ADAMTS20: variants seen among roughly 807,000 people sequenced by gnomAD.
The protein encoded by ADAMTS20 is A disintegrin and metalloproteinase with thrombospondin motifs 20.
In ADAMTS20, 225 loss-of-function variants were observed where a neutral mutation model predicts 260.1. The ratio of observed to expected loss-of-function variants is 0.87; its 90% CI spans 0.78 to 0.97. The LOEUF is 0.97. ADAMTS20 is among the 50% of genes least tolerant of loss of function. The pLI, the probability that ADAMTS20 is intolerant of heterozygous loss-of-function variation, is 0.00. For missense variants in ADAMTS20, 2,400 were observed against 2,337.7 expected, an observed-to-expected ratio of 1.03 and a Z score of -0.55; for synonymous variants, 802 against 769.5, an observed-to-expected ratio of 1.04 and a Z score of -0.70.
At chr12:43,409,108 G>C (rs563447728) in intron 28 of ADAMTS20, among the ~76,000 whole-genome samples, 1 of 152,058 alleles carries the variant, frequency 6.6e-6, no homozygotes, top group African/African-American at 2.4e-5. Context: ...TAAAAATACT[G>C]TAGTTATGAG....
At chr12:43,526,036 T>C (rs550240899) in intron 3 of ADAMTS20, among the ~76,000 whole-genome samples, 1 of 152,342 alleles carries the variant, frequency 6.6e-6, no homozygotes, top group East Asian at 1.9e-4. Flanking sequence ...GAACGTAAGA[T>C]ATATGTACAG....
At chr12:43,467,271 C>G (rs999520012) in intron 8 of ADAMTS20, among the ~76,000 whole-genome samples, 1 of 152,004 alleles carries the variant, frequency 6.6e-6, no homozygotes, top group African/African-American at 2.4e-5. Flanking sequence ...ACCCTAAATA[C>G]TATTTTAGGT....
intron 28 of ADAMTS20, among the ~76,000 whole-genome samples, chr12:43,405,832 C>T (rs1384190757): frequency 6.6e-6 from 1 of 152,184 alleles, no homozygotes; most frequent in African/African-American, 2.4e-5. Context: ...TGTCACTTCT[C>T]TTTGTCTGCT....
chr12:43,446,529 C>A lies in ADAMTS20; in HGVS notation c.2197+66G>T, dbSNP rs545098989. 8.4e-5 allele frequency: 101 copies of A among 1,204,622 alleles called. No individual in the cohort carries two copies. In the African/African-American group the frequency reaches 1.4e-3, roughly 17 times the overall value. The allele number at this position is 1,204,622 out of a possible 1,614,324, so 74.6% of individuals were successfully genotyped here. Reference sequence around the variant, plus strand: ...ACAGTAACAAAGAATTACTGTTACACCTTCTTTACAGACTCCATTATTATA... The same window carrying A: ...ACAGTAACAAAGAATTACTGTTACAACTTCTTTACAGACTCCATTATTATA... On this transcript the variant is annotated intron_variant, in intron 15 of 38. Coordinates refer to ENST00000389420, the MANE Select transcript of ADAMTS20 (RefSeq NM_025003.5).
rs565545452 is a variant in ADAMTS20 at position 43,539,832 on chromosome 12, A to C, written c.454-7637T>G. Among the ~76,000 whole-genome samples, 91 of 152,318 alleles carry C rather than the reference A, an allele frequency of 6.0e-4. 3 individuals carry two copies. The highest frequency in any genetic ancestry group is 2.0e-3 in the African/African-American group (85 of 41,574). On this transcript the variant is annotated intron_variant, in intron 2 of 38. Coordinates refer to ENST00000389420, the MANE Select transcript of ADAMTS20 (RefSeq NM_025003.5). ...CTAACTGTACCTACAAAGCTACTTT[A>C]AATAGCATCACACTATCTTCAAGCA...
At chr12:43,536,098 T>G (rs544262180) in intron 2 of ADAMTS20, among the ~76,000 whole-genome samples, 41 of 152,110 alleles carry the variant, frequency 2.7e-4, no homozygotes, top group African/African-American at 9.9e-4. Context: ...CCTATACATA[T>G]TTTATATAAA....
rs913708337 is a variant in ADAMTS20 at position 43,464,504 on chromosome 12, T to C, written c.1509+87A>G. 6.8e-6 allele frequency: 10 copies of C among 1,471,978 alleles called. No homozygotes were observed. The East Asian group carries it at 2.0e-4, about 30-fold the overall frequency. The allele number at this position is 1,471,978 out of a possible 1,614,324, so 91.2% of individuals were successfully genotyped here. Reference sequence around the variant, plus strand: ...TATCAGACTTAAAAGCTATATTTAGTTCAAGAGAATAAACACATTTTGAAA... The same window carrying C: ...TATCAGACTTAAAAGCTATATTTAGCTCAAGAGAATAAACACATTTTGAAA... On this transcript the variant is annotated intron_variant, in intron 10 of 38. Coordinates refer to ENST00000389420, the MANE Select transcript of ADAMTS20 (RefSeq NM_025003.5).
intron 28 of ADAMTS20, among the ~76,000 whole-genome samples, chr12:43,402,347 G>A (rs2137256558): frequency 6.6e-6 from 1 of 151,850 alleles, no homozygotes; most frequent in Non-Finnish European, 1.5e-5. Context: ...AGGAATGTTA[G>A]AAAAAAATAC....
intron 16 of ADAMTS20, among the ~76,000 whole-genome samples, chr12:43,441,288 A>G (rs1162852812): frequency 6.6e-6 from 1 of 151,734 alleles, no homozygotes; most frequent in Non-Finnish European, 1.5e-5. Flanking sequence ...ATTAATATAT[A>G]CCTATAGAAT....
At chr12:43,389,123 C>T (rs967426004) in intron 29 of ADAMTS20, among the ~76,000 whole-genome samples, 4 of 152,312 alleles carry the variant, frequency 2.6e-5, no homozygotes, top group Middle Eastern at 3.4e-3. Flanking sequence ...TTCATTCCAT[C>T]TCAATAATAC....
chr12:43,411,198 C>T (rs1941024649), intron 28 of ADAMTS20, among the ~76,000 whole-genome samples: 1 of 152,146 alleles, frequency 6.6e-6, no homozygotes, highest in African/African-American at 2.4e-5. Context: ...GAAAGGGATT[C>T]TGCTATCCTT....
chr12:43,464,938 T>C (rs894440554), intron 9 of ADAMTS20, among the ~76,000 whole-genome samples: 1 of 152,106 alleles, frequency 6.6e-6, no homozygotes, highest in Non-Finnish European at 1.5e-5. Context: ...ATCTTTAATA[T>C]GCATGTTTGC....
At chr12:43,541,130 T>C (rs987874254) in intron 2 of ADAMTS20, among the ~76,000 whole-genome samples, 1 of 152,202 alleles carries the variant, frequency 6.6e-6, no homozygotes, top group African/African-American at 2.4e-5. Context: ...GTTATCACAT[T>C]AAACACTGTC....
intron 2 of ADAMTS20, among the ~76,000 whole-genome samples, chr12:43,542,295 C>A (rs558599663): frequency 6.6e-6 from 1 of 152,086 alleles, no homozygotes; most frequent in South Asian, 2.1e-4. Context: ...TTTTGTAGGT[C>A]TATAATGGAA....
At position 43,429,778 on chromosome 12, in the gene ADAMTS20, C is replaced by T. The variant is rs1941405320; in HGVS notation, c.3382-54G>A. On this transcript the variant is annotated intron_variant, in intron 23 of 38. Coordinates refer to ENST00000389420, the MANE Select transcript of ADAMTS20 (RefSeq NM_025003.5). ...AACATTAATTAATGACTGATTTATA[C>T]AAAATCTAATACTTCACTTCTTCTG... is the stretch of plus-strand genomic sequence containing the variant. 1.2e-5 allele frequency: 14 copies of T among 1,165,914 alleles called. No individual in the cohort carries two copies. The South Asian group carries it at 2.1e-4, about 18-fold the overall frequency. 72.2% of individuals were successfully genotyped at this position (1,165,914 alleles called of 1,614,324 possible). A position where few individuals can be genotyped will look rare whatever the true frequency, so the allele number is the denominator to read the frequency against.
At chr12:43,359,053 G>A (rs1225905351) in intron 37 of ADAMTS20, among the ~76,000 whole-genome samples, 1 of 151,874 alleles carries the variant, frequency 6.6e-6, no homozygotes, top group Non-Finnish European at 1.5e-5. Context: ...CTCTCTCACT[G>A]TCTCTCTCTC....
intron 26 of ADAMTS20, among the ~76,000 whole-genome samples, chr12:43,427,789 A>T (rs1592062896): frequency 6.6e-6 from 1 of 152,326 alleles, no homozygotes; most frequent in East Asian, 1.9e-4. Context: ...GACAGTATTA[A>T]ATTACTTAAC....
At chr12:43,505,685 T>C (rs1942831313) in intron 3 of ADAMTS20, among the ~76,000 whole-genome samples, 1 of 152,214 alleles carries the variant, frequency 6.6e-6, no homozygotes, top group Non-Finnish European at 1.5e-5. Flanking sequence ...GGAAACCTTA[T>C]GCACTGTTGG....
chr12:43,379,738 A>T lies in ADAMTS20; in HGVS notation c.4798-2176T>A, dbSNP rs145095031. ...TAACAGTTAGTTCAGAAAAGTCACT[A>T]AAAAACAAACAACAACAAACAGTAG... is the stretch of plus-strand genomic sequence containing the variant. On this transcript the variant is annotated intron_variant, in intron 31 of 38. Coordinates refer to ENST00000389420, the MANE Select transcript of ADAMTS20 (RefSeq NM_025003.5). Among the ~76,000 whole-genome samples the T allele has an allele frequency of 1.8e-3, 272 of 152,336 alleles. 1 individual carries two copies. The highest frequency in any genetic ancestry group is 6.4e-3 in the African/African-American group (268 of 41,576).
Sources: gnomAD v4.1 joint callset for allele counts (sites outside exome capture counted in the v4.1 genomes callset) on GRCh38, gnomAD v4.1.1 for gene constraint, MANE v1.5 for transcripts, NCBI Gene and HGNC (gene_info 2026-07-23, HGNC 2026-07-21) for gene names.